The following TASP1 variants were observed in gnomAD, a reference collection of about 807,000 sequenced individuals.
The protein encoded by TASP1 is taspase 1, also known as threonine aspartase 1.
In TASP1, 16 loss-of-function variants were observed where a neutral mutation model predicts 56.6. That is an observed-to-expected ratio of 0.28 (90% CI 0.19 to 0.43). The LOEUF (loss-of-function observed/expected upper bound fraction) is 0.43, where lower values mean the gene tolerates loss of function less well. TASP1 is among the 20% of genes least tolerant of loss of function. The pLI is 1.00. For missense variants in TASP1, 393 were observed against 511.6 expected (o/e 0.77, Z 2.24); for synonymous variants, 179 against 184.2 (o/e 0.97, Z 0.23).
At chr20:13,271,755 C>T in the TASP1 span, among the ~76,000 whole-genome samples, 2 of 152,128 alleles carry the variant, frequency 1.3e-5, no homozygotes, top group African/African-American at 4.8e-5. Flanking sequence ...AGCCCCTATC[C>T]AACTCTCGTC....
At chr20:13,569,180 A>G (rs1175325058) in intron 7 of TASP1, among the ~76,000 whole-genome samples, 1 of 151,928 alleles carries the variant, frequency 6.6e-6, no homozygotes, top group Non-Finnish European at 1.5e-5. Context: ...ATATTGACCT[A>G]TATTTTCTTC....
At chr20:13,576,349 GAAAGAAAGA>G (rs2046917591) in intron 6 of TASP1, among the ~76,000 whole-genome samples, 8 of 94,134 alleles carry the variant, frequency 8.5e-5, no homozygotes, top group African/African-American at 3.3e-4. Context: ...AAGGAAGAAA[GAAAGAAAGA>G]AAGAAAGAAA....
At chr20:13,324,439 G>A in the TASP1 span, among the ~76,000 whole-genome samples, 5 of 152,192 alleles carry the variant, frequency 3.3e-5, no homozygotes, top group Non-Finnish European at 5.9e-5. Flanking sequence ...ATGCAGAAAA[G>A]AGGATCTTGT....
the TASP1 span, among the ~76,000 whole-genome samples, chr20:13,259,443 C>G: frequency 6.6e-6 from 1 of 151,942 alleles, no homozygotes; most frequent in Admixed American, 6.6e-5. Flanking sequence ...CAAAAACTGT[C>G]CAAATAAAAT....
chr20:13,167,113 C>T, the TASP1 span: 5 of 152,062 alleles, frequency 3.3e-5, no homozygotes, highest in East Asian at 1.9e-4. Context: ...TTAGAAGGTG[C>T]CCAAGCTCCA....
At chr20:13,437,404 A>G (rs1193986874) in intron 11 of TASP1, among the ~76,000 whole-genome samples, 1 of 152,228 alleles carries the variant, frequency 6.6e-6, no homozygotes, top group East Asian at 1.9e-4. Context: ...CCAATATTGT[A>G]CTGAATGGGC....
At chr20:13,248,697 GAC>G in the TASP1 span, among the ~76,000 whole-genome samples, 1 of 152,176 alleles carries the variant, frequency 6.6e-6, no homozygotes, top group East Asian at 1.9e-4. Context: ...GTGTTAGAGG[GAC>G]AGTTTGAAAC....
chr20:13,568,840 T>C (rs1325893420), intron 7 of TASP1, among the ~76,000 whole-genome samples: 2 of 152,182 alleles, frequency 1.3e-5, no homozygotes, highest in African/African-American at 4.8e-5. Context: ...ACTATGATTA[T>C]TTAACCAAAC....
intron 10 of TASP1, among the ~76,000 whole-genome samples, chr20:13,498,305 C>T (rs1368958546): frequency 6.6e-6 from 1 of 150,720 alleles, no homozygotes; most frequent in Non-Finnish European, 1.5e-5. Context: ...AGGCAAAGGA[C>T]ATGAACAAAC....
At chr20:13,600,475 T>C (rs1378870638) in intron 4 of TASP1, 1 of 152,060 alleles carries the variant, frequency 6.6e-6, no homozygotes. Context: ...GGCAATTCAA[T>C]GGAGAAAGAA....
At chr20:13,210,366 C>A in the TASP1 span, among the ~76,000 whole-genome samples, 1 of 152,052 alleles carries the variant, frequency 6.6e-6, no homozygotes, top group Admixed American at 6.6e-5. Flanking sequence ...CTGTATACTT[C>A]TTAATGGTAT....
chr20:13,189,893 A>G, the TASP1 span, among the ~76,000 whole-genome samples: 1 of 152,238 alleles, frequency 6.6e-6, no homozygotes, highest in African/African-American at 2.4e-5. Flanking sequence ...AAGACATAAA[A>G]TCAACATAGG....
At chr20:13,503,101 G>C (rs1459498432) in intron 10 of TASP1, among the ~76,000 whole-genome samples, 1 of 152,098 alleles carries the variant, frequency 6.6e-6, no homozygotes, top group African/African-American at 2.4e-5. Flanking sequence ...GCACAATTAA[G>C]TAGTTGAGGA....
the TASP1 span, among the ~76,000 whole-genome samples, chr20:13,135,424 T>C: frequency 4.6e-5 from 7 of 152,208 alleles, no homozygotes; most frequent in Non-Finnish European, 8.8e-5. Context: ...TTTGATGACA[T>C]GGTGTTGAAA....
At chr20:13,250,135 C>T in the TASP1 span, among the ~76,000 whole-genome samples, 1 of 152,334 alleles carries the variant, frequency 6.6e-6, no homozygotes, top group South Asian at 2.1e-4. Flanking sequence ...TGGTAGTCTG[C>T]TCCCAGGGTT....
intron 11 of TASP1, among the ~76,000 whole-genome samples, chr20:13,475,986 G>A (rs1195635738): frequency 6.6e-6 from 1 of 151,936 alleles, no homozygotes; most frequent in Admixed American, 6.6e-5. Context: ...GGGCAAGGTG[G>A]CAGACACTTG....
chr20:13,338,508 A>C, the TASP1 span, among the ~76,000 whole-genome samples: 1 of 152,200 alleles, frequency 6.6e-6, no homozygotes, highest in African/African-American at 2.4e-5. Context: ...TTATTTTACC[A>C]GCCCCTGTTC....
At chr20:13,566,241 A>G (rs1411691292) in intron 7 of TASP1, among the ~76,000 whole-genome samples, 1 of 152,192 alleles carries the variant, frequency 6.6e-6, no homozygotes, top group Non-Finnish European at 1.5e-5. Flanking sequence ...TCTATAGTTG[A>G]TGGTACTGTT....
chr20:13,560,748 T>G (rs1259521060), intron 7 of TASP1, among the ~76,000 whole-genome samples: 1 of 151,912 alleles, frequency 6.6e-6, no homozygotes, highest in Admixed American at 6.6e-5. Context: ...ATATACACAC[T>G]GTACAGTCCC....
Sources: allele counts gnomAD v4.1 joint callset (sites outside exome capture counted in the v4.1 genomes callset), GRCh38; gene constraint gnomAD v4.1.1; transcripts MANE v1.5; gene names NCBI Gene and HGNC (gene_info 2026-07-23, HGNC 2026-07-21).